RNGTT: variants seen among roughly 807,000 people sequenced by gnomAD.
RNGTT encodes the protein RNA guanylyltransferase and 5'-phosphatase.
In RNGTT, 33 loss-of-function variants were observed where a neutral mutation model predicts 79.3. The observed-to-expected ratio is 0.42, with a 90% confidence interval of 0.32 to 0.56. The LOEUF is 0.56. Among genes scored for constraint, RNGTT ranks in the 20% least tolerant of loss-of-function variants. RNGTT has a pLI of 0.17. For missense variants in RNGTT, 497 were observed against 739.1 expected, an observed-to-expected ratio of 0.67 and a Z score of 3.80; for synonymous variants, 222 against 235.9, an observed-to-expected ratio of 0.94 and a Z score of 0.54.
chr6:88,898,986 A>G (rs1225202337), intron 6 of RNGTT, among the ~76,000 whole-genome samples: 1 of 151,768 alleles, frequency 6.6e-6, no homozygotes, highest in Non-Finnish European at 1.5e-5. Context: ...TTGAAGGATT[A>G]TAAGTTTTCT....
intron 13 of RNGTT, among the ~76,000 whole-genome samples, chr6:88,720,875 A>G (rs1332554457): frequency 6.6e-6 from 1 of 152,136 alleles, no homozygotes; most frequent in Non-Finnish European, 1.5e-5. Flanking sequence ...GTTGGATAAA[A>G]AATTGCAAAT....
intron 15 of RNGTT, 57 bp downstream of exon 15, chr6:88,614,215 C>T (rs1772136199): frequency 6.3e-7 from 1 of 1,579,460 alleles, no homozygotes; most frequent in Non-Finnish European, 8.7e-7. Flanking sequence ...CACTTTGGGT[C>T]TAACACCTTA....
chr6:88,636,629 A>AG (rs886215163), intron 14 of RNGTT, among the ~76,000 whole-genome samples: 4 of 151,490 alleles, frequency 2.6e-5, no homozygotes, highest in Admixed American at 6.6e-5. Flanking sequence ...TTTTGGTTTA[A>AG]GGGGAAAAAA....
intron 8 of RNGTT, among the ~76,000 whole-genome samples, chr6:88,869,991 T>G (rs1352003861): frequency 6.6e-6 from 1 of 152,110 alleles, no homozygotes; most frequent in African/African-American, 2.4e-5. Context: ...TTTCTGCCCA[T>G]GCAAAAGTAT....
At chr6:88,616,013 C>T (rs1221468168) in intron 14 of RNGTT, among the ~76,000 whole-genome samples, 1 of 152,144 alleles carries the variant, frequency 6.6e-6, no homozygotes, top group African/African-American at 2.4e-5. Context: ...TCCCCTCTAC[C>T]CAGACCTTGA....
intron 12 of RNGTT, among the ~76,000 whole-genome samples, chr6:88,786,514 A>G (rs1779234098): frequency 6.6e-6 from 1 of 152,272 alleles, no homozygotes; most frequent in African/African-American, 2.4e-5. Context: ...AGAACTGAAA[A>G]CCATATAGAT....
chr6:88,738,308 C>T (rs569003583), intron 13 of RNGTT, among the ~76,000 whole-genome samples: 1 of 152,288 alleles, frequency 6.6e-6, no homozygotes, highest in East Asian at 1.9e-4. Flanking sequence ...GAAAATGTCA[C>T]AGCCAAGAGT....
At chr6:88,794,982 C>A (rs550476984) in intron 12 of RNGTT, among the ~76,000 whole-genome samples, 1 of 152,260 alleles carries the variant, frequency 6.6e-6, no homozygotes, top group African/African-American at 2.4e-5. Flanking sequence ...ACTGAAAAAT[C>A]TCCATATCAG....
At chr6:88,843,163 AAG>A (rs111253382) in intron 11 of RNGTT, among the ~76,000 whole-genome samples, 1 of 151,464 alleles carries the variant, frequency 6.6e-6, no homozygotes, top group Non-Finnish European at 1.5e-5. Flanking sequence ...AAAAAAAAAA[AAG>A]AGTGCTGGCA....
At chr6:88,823,446 GAA>G (rs71024303) in intron 11 of RNGTT, among the ~76,000 whole-genome samples, 15 of 147,770 alleles carry the variant, frequency 1.0e-4, no homozygotes, top group African/African-American at 1.7e-4. Context: ...AAGGAAAAAA[GAA>G]AAAAAAAAAG....
intron 14 of RNGTT, among the ~76,000 whole-genome samples, chr6:88,652,781 C>A (rs1212555991): frequency 6.6e-6 from 1 of 152,130 alleles, no homozygotes; most frequent in Non-Finnish European, 1.5e-5. Flanking sequence ...TTCCTAAATG[C>A]ATGAATTACA....
intron 14 of RNGTT, among the ~76,000 whole-genome samples, chr6:88,654,045 T>A (rs763424158): frequency 6.6e-6 from 1 of 152,236 alleles, no homozygotes; most frequent in Non-Finnish European, 1.5e-5. Flanking sequence ...AACTACTGTA[T>A]GACTCGTTAG....
intron 6 of RNGTT, among the ~76,000 whole-genome samples, chr6:88,899,809 A>G (rs977451289): frequency 2.0e-5 from 3 of 152,198 alleles, no homozygotes; most frequent in Non-Finnish European, 4.4e-5. Context: ...GCTGAACAGA[A>G]ATTTCAGTAA....
At chr6:88,807,441 T>C (rs1779994897) in intron 11 of RNGTT, among the ~76,000 whole-genome samples, 1 of 151,964 alleles carries the variant, frequency 6.6e-6, no homozygotes, top group Non-Finnish European at 1.5e-5. Context: ...ATCAATGAGA[T>C]TATCCACAGA....
intron 4 of RNGTT, among the ~76,000 whole-genome samples, chr6:88,928,436 T>C (rs986550466): frequency 2.0e-5 from 3 of 152,212 alleles, no homozygotes; most frequent in East Asian, 1.9e-4. Context: ...CACTAGAATA[T>C]GAGCTCTGTA....
At chr6:88,799,424 C>T (rs1036716781) in intron 12 of RNGTT, among the ~76,000 whole-genome samples, 4 of 152,008 alleles carry the variant, frequency 2.6e-5, no homozygotes, top group African/African-American at 7.2e-5. Flanking sequence ...TACGGCCCGG[C>T]GCGGTGGCTC....
intron 6 of RNGTT, among the ~76,000 whole-genome samples, chr6:88,892,252 A>C (rs1005709233): frequency 6.6e-6 from 1 of 152,128 alleles, no homozygotes; most frequent in Non-Finnish European, 1.5e-5. Flanking sequence ...CACTGAAAAA[A>C]TAGACTGTAC....
intron 14 of RNGTT, among the ~76,000 whole-genome samples, chr6:88,656,680 A>T (rs1212290373): frequency 6.6e-6 from 1 of 152,040 alleles, no homozygotes; most frequent in Non-Finnish European, 1.5e-5. Context: ...GAAAGGGGTC[A>T]GTCATCTGGG....
intron 13 of RNGTT, among the ~76,000 whole-genome samples, chr6:88,700,044 A>G (rs189823622): frequency 6.6e-5 from 10 of 152,314 alleles, no homozygotes; most frequent in Admixed American, 3.9e-4. Flanking sequence ...TGATTTGTAC[A>G]TTTGAAAATG....
Sources: gnomAD v4.1 joint callset for allele counts (sites outside exome capture counted in the v4.1 genomes callset) on GRCh38, gnomAD v4.1.1 for gene constraint, MANE v1.5 for transcripts, NCBI Gene and HGNC (gene_info 2026-07-23, HGNC 2026-07-21) for gene names.